The following HSPA4 variants were observed in gnomAD, a reference collection of about 807,000 sequenced individuals.
HSPA4 encodes the protein heat shock 70 kDa protein 4.
In HSPA4, 25 loss-of-function variants were observed where a neutral mutation model predicts 106.2. The ratio of observed to expected loss-of-function variants is 0.24; its 90% confidence interval spans 0.17 to 0.33. The LOEUF is 0.33. Among genes scored for constraint, HSPA4 ranks in the 10% least tolerant of loss-of-function variants. The pLI is 1.00. For missense variants in HSPA4, 841 were observed against 996.0 expected (o/e 0.84, Z 2.10); for synonymous variants, 332 against 333.6 (o/e 1.00, Z 0.05).
chr5:133,061,638 C>G (rs191739435), intron 1 of HSPA4, among the ~76,000 whole-genome samples: 1 of 151,962 alleles, frequency 6.6e-6, no homozygotes, highest in Non-Finnish European at 1.5e-5. Context: ...TCCCCACCAC[C>G]CGACTGAGTC....
chr5:133,072,279 A>T (rs1765391158), intron 4 of HSPA4, among the ~76,000 whole-genome samples: 1 of 152,180 alleles, frequency 6.6e-6, no homozygotes, highest in Non-Finnish European at 1.5e-5. Flanking sequence ...GTCTGGAGGA[A>T]ACCAGGCACA....
intron 11 of HSPA4, among the ~76,000 whole-genome samples, chr5:133,090,012 T>G (rs73272710): frequency 0.023 from 3,453 of 152,334 alleles, 129 homozygotes; most frequent in African/African-American, 0.075. Context: ...TTTAATTGGA[T>G]CTCCCATTGT....
rs1453625676 is a variant in HSPA4 at position 133,052,357 on chromosome 5, C to G, written c.107C>G (p.Pro36Arg). The G allele has an allele frequency of 1.9e-6, 3 of 1,541,932 alleles. No homozygotes were observed. The highest frequency in any genetic ancestry group is 2.6e-6 in the Non-Finnish European group (3 of 1,143,710). Residue 36 changes from proline to arginine, a missense_variant and splice_region_variant, in exon 1 of 19, where the codon CCG becomes CGG. By Grantham distance (103) the Pro-to-Arg change is moderately radical. Transcript: ENST00000304858. ...IANEYSDRCT[P>R]ACISFGPKNR... is the part of the protein sequence containing the mutation. ...AATGAGTATAGCGACCGCTGCACGC[C>G]GTAAGTGTGGGCCGGGCCTGCCGCG...
rs1343988669 is a variant in HSPA4 at position 133,067,394 on chromosome 5, CTCTT to C, written c.166-21_166-18del. The C allele has an allele frequency of 6.3e-7, 1 of 1,587,852 alleles. No individual in the cohort carries two copies. The highest frequency in any genetic ancestry group is 1.8e-5 in the Admixed American group (1 of 56,098). ...AAAAAAATTAGTAGTAGTCTTTCCA[CTCTT>C]TGATATTCTTTCTCTTAGGTAATTT... On this transcript the variant is annotated intron_variant, in intron 2 of 18. Coordinates refer to ENST00000304858, the MANE Select transcript of HSPA4 (RefSeq NM_002154.4).
At chr5:133,058,211 G>A (rs1289689086) in intron 1 of HSPA4, among the ~76,000 whole-genome samples, 3 of 152,112 alleles carry the variant, frequency 2.0e-5, no homozygotes, top group Non-Finnish European at 4.4e-5. Flanking sequence ...GGGCAATATA[G>A]CGAGACTCTG....
intron 1 of HSPA4, among the ~76,000 whole-genome samples, chr5:133,057,446 C>T (rs899868305): frequency 6.6e-6 from 1 of 151,820 alleles, no homozygotes. Flanking sequence ...GCAACCTCCG[C>T]CTTTCAGGCT....
intron 16 of HSPA4, among the ~76,000 whole-genome samples, chr5:133,101,276 C>G (rs764640567): frequency 6.6e-6 from 1 of 152,080 alleles, no homozygotes; most frequent in Non-Finnish European, 1.5e-5. Context: ...CCCACCCTTT[C>G]CTTATTTAGT....
intron 17 of HSPA4, among the ~76,000 whole-genome samples, chr5:133,102,913 CTTTT>C (rs533273263): frequency 6.8e-5 from 7 of 103,334 alleles, no homozygotes; most frequent in Admixed American, 9.9e-5. Context: ...CTAGGGTTGT[CTTTT>C]TTTTTTTTTT....
chr5:133,053,187 A>G (rs1354917208), intron 1 of HSPA4, among the ~76,000 whole-genome samples: 2 of 152,208 alleles, frequency 1.3e-5, no homozygotes, highest in Non-Finnish European at 2.9e-5. Context: ...ACAGTTCTAA[A>G]AAATGGTGGG....
rs781294769 is a variant in HSPA4, at chr5:133,076,693, A to G, written c.703A>G (p.Lys235Glu). 1.2e-6 allele frequency: 2 copies of G among 1,613,748 alleles called. No individual in the cohort carries two copies. The highest frequency in any genetic ancestry group is 3.3e-5 in the Admixed American group (2 of 60,004). ...TAFDTTLGGRKFDEVLVNHFC... is the reference protein window; with the variant it reads ...TAFDTTLGGREFDEVLVNHFC... Reference sequence around the variant, plus strand: ...ATTTGACACGACATTGGGAGGTAGAAAATTTGATGAAGTGTTAGTAAATCA... The same window carrying G: ...ATTTGACACGACATTGGGAGGTAGAGAATTTGATGAAGTGTTAGTAAATCA... The change falls in exon 7 of 19, where the codon AAA becomes GAA. Residue 235 changes from lysine to glutamate, a missense_variant. This residue lies in a region of HSPA4 where 347 missense variants were observed against 408.7 expected (regional missense o/e 0.85). Transcript: ENST00000304858.
rs573565303 is a variant in HSPA4, at chr5:133,072,404, T to TTTTG, written c.430-823_430-822insGTTT. ...CTGGTCCAGGGTTGTTTTTTTTTTTTTTTTTTTTTTTGGAGACTGAGTTTC... is the reference window on the plus strand; with the variant it reads ...CTGGTCCAGGGTTGTTTTTTTTTTTTTTTGTTTTTTTTTTTGGAGACTGAGTTTC... On this transcript the variant is annotated intron_variant, in intron 4 of 18. Transcript: ENST00000304858. Among the ~76,000 whole-genome samples, 73 of 141,976 alleles carry TTTTG rather than the reference T, an allele frequency of 5.1e-4. 2 individuals carry two copies. The South Asian group carries it at 9.4e-3, about 18-fold the overall frequency. 93.1% of individuals were successfully genotyped at this position (141,976 alleles called of 152,430 possible).
At chr5:133,095,088 T>C (rs1765694141) in intron 13 of HSPA4, among the ~76,000 whole-genome samples, 1 of 152,102 alleles carries the variant, frequency 6.6e-6, no homozygotes, top group Non-Finnish European at 1.5e-5. Flanking sequence ...AGGCAGCGGA[T>C]CACCTAAGGT....
At chr5:133,078,602 T>G (rs1004653956) in intron 7 of HSPA4, among the ~76,000 whole-genome samples, 3 of 138,798 alleles carry the variant, frequency 2.2e-5, no homozygotes, top group Non-Finnish European at 4.5e-5. Flanking sequence ...GCCACTGTAC[T>G]CTAGCTTGGG....
intron 4 of HSPA4, among the ~76,000 whole-genome samples, chr5:133,072,374 C>T (rs1383750493): frequency 3.4e-5 from 5 of 148,532 alleles, no homozygotes; most frequent in Admixed American, 1.3e-4. Context: ...GGAGTTCTGC[C>T]TAGCCTGGTC....
intron 15 of HSPA4, among the ~76,000 whole-genome samples, chr5:133,098,456 T>C (rs980066635): frequency 2.7e-5 from 4 of 149,906 alleles, no homozygotes; most frequent in African/African-American, 9.8e-5. Context: ...GGAGTACAGG[T>C]GCCTGCTACC....
At chr5:133,097,433 A>T (rs1765726342) in intron 15 of HSPA4, 147 bp downstream of exon 15, 1 of 554,584 alleles carries the variant, frequency 1.8e-6, no homozygotes, top group Admixed American at 3.0e-5. Flanking sequence ...ATATTTTTTT[A>T]TATATTTCTC....
chr5:133,052,264 G>C lies in HSPA4; in HGVS notation c.14G>C (p.Gly5Ala). Residue 5 changes from glycine to alanine, a missense_variant, in exon 1 of 19, where the codon GGC becomes GCC. By Grantham distance (60) the Gly-to-Ala change is moderately conservative. This residue lies in a region of HSPA4 where 347 missense variants were observed against 408.7 expected (regional missense o/e 0.85). Coordinates refer to ENST00000304858, the MANE Select transcript of HSPA4 (RefSeq NM_002154.4). MSVV[G>A]IDLGFQSCYV... ...GTAGCCGGCGCCATGTCGGTGGTGG[G>C]CATAGACCTGGGCTTCCAGAGCTGC... 2 of 1,591,616 alleles carry C rather than the reference G, an allele frequency of 1.3e-6. No individual in the cohort carries two copies. Among genetic ancestry groups the C allele is most frequent in the East Asian group, 2.3e-5 (1 of 44,002 alleles).
chr5:133,090,208 G>T (rs1194162847), intron 11 of HSPA4, among the ~76,000 whole-genome samples: 6 of 151,928 alleles, frequency 3.9e-5, no homozygotes, highest in Non-Finnish European at 2.9e-5. Context: ...GCCAAGGCGG[G>T]CAGGTCAGGA....
At chr5:133,067,303 A>C in intron 2 of HSPA4, 114 bp from the exon 3 acceptor site, 1 of 917,484 alleles carries the variant, frequency 1.1e-6, no homozygotes, top group South Asian at 1.8e-5. Context: ...AAGAAACCAA[A>C]ACCAAGAAGG....
Sources: gnomAD v4.1 joint callset for allele counts (sites outside exome capture counted in the v4.1 genomes callset) on GRCh38, gnomAD v4.1.1 for gene constraint, gnomAD v4.1.1 regional missense constraint, MANE v1.5 for transcripts, NCBI Gene and HGNC (gene_info 2026-07-23, HGNC 2026-07-21) for gene names.